CNBD1: variants seen among roughly 807,000 people sequenced by gnomAD.
CNBD1 encodes the protein cyclic nucleotide binding domain containing 1.
In CNBD1, 71 loss-of-function variants were observed where a neutral mutation model predicts 54.4. The observed-to-expected ratio is 1.30, with a 90% CI of 1.08 to 1.59. The LOEUF (loss-of-function observed/expected upper bound fraction) is 1.59. Ranked by LOEUF, CNBD1 falls within the 40% of genes most tolerant of loss-of-function variation. CNBD1 has a pLI of 0.00. For missense variants in CNBD1, 659 were observed against 518.0 expected, an observed-to-expected ratio of 1.27 and a Z score of -2.64; for synonymous variants, 182 against 170.7, an observed-to-expected ratio of 1.07 and a Z score of -0.51.
At chr8:87,334,173 G>A (rs921427423) in intron 8 of CNBD1, among the ~76,000 whole-genome samples, 1 of 152,036 alleles carries the variant, frequency 6.6e-6, no homozygotes, top group African/African-American at 2.4e-5. Context: ...TTGCATAGAG[G>A]TGTTTATACC....
At chr8:87,008,361 G>T (rs1322338275) in intron 4 of CNBD1, among the ~76,000 whole-genome samples, 1 of 152,088 alleles carries the variant, frequency 6.6e-6, no homozygotes, top group Non-Finnish European at 1.5e-5. Flanking sequence ...CTAAATATGG[G>T]AATCTGGAAG....
intron 2 of CNBD1, among the ~76,000 whole-genome samples, chr8:87,414,661 C>A (rs1807807793): frequency 6.6e-6 from 1 of 151,774 alleles, no homozygotes; most frequent in Non-Finnish European, 1.5e-5. Context: ...TGTACTATTA[C>A]CACAACTGTT....
At chr8:86,902,188 C>T (rs956537406) in intron 2 of CNBD1, among the ~76,000 whole-genome samples, 2 of 152,044 alleles carry the variant, frequency 1.3e-5, no homozygotes, top group Non-Finnish European at 2.9e-5. Context: ...TTTTTGGGTA[C>T]ACAGCTAGAC....
At chr8:87,332,244 A>G (rs1161579209) in intron 8 of CNBD1, among the ~76,000 whole-genome samples, 1 of 151,446 alleles carries the variant, frequency 6.6e-6, no homozygotes, top group Non-Finnish European at 1.5e-5. Context: ...GTTATTCTGG[A>G]GGCTGAGTCA....
intron 2 of CNBD1, among the ~76,000 whole-genome samples, chr8:87,424,652 G>T (rs1033325270): frequency 2.0e-5 from 3 of 151,340 alleles, no homozygotes; most frequent in Admixed American, 6.6e-5. Flanking sequence ...CCCTACAGAA[G>T]CTCTCTTCTG....
rs532231229 is a variant in CNBD1 at position 87,408,393 on chromosome 8, A to ATGTG, written c.214-20139_214-20136dup. 3.2e-3 allele frequency among the ~76,000 whole-genome samples: 480 copies of ATGTG among 150,936 alleles called. 7 individuals carry two copies. Among genetic ancestry groups the ATGTG allele is most frequent in the African/African-American group, 0.01 (429 of 41,236 alleles). ...TGTTGCTTTATTTTTAGATACATATATGTGTGTGTGTGTGTGTATAGACAG... is the reference window on the plus strand; with the variant it reads ...TGTTGCTTTATTTTTAGATACATATATGTGTGTGTGTGTGTGTGTGTATAGACAG... On this transcript the variant is annotated intron_variant, in intron 2 of 7. Transcript: ENST00000521593.
At chr8:87,321,909 C>T (rs1291923837) in intron 8 of CNBD1, among the ~76,000 whole-genome samples, 3 of 149,274 alleles carry the variant, frequency 2.0e-5, no homozygotes, top group African/African-American at 2.5e-5. Context: ...CCCACCACCT[C>T]GTCATCTAGC....
intron 10 of CNBD1, among the ~76,000 whole-genome samples, chr8:87,375,425 CCCA>C (rs1284007868): frequency 6.6e-6 from 1 of 151,692 alleles, no homozygotes; most frequent in Non-Finnish European, 1.5e-5. Context: ...TAGATAAATG[CCCA>C]CCAAGAGTTA....
At chr8:87,018,228 A>G (rs903816809) in intron 4 of CNBD1, among the ~76,000 whole-genome samples, 5 of 152,226 alleles carry the variant, frequency 3.3e-5, no homozygotes, top group African/African-American at 1.2e-4. Context: ...GGGCAACGAG[A>G]GCAAAACTGT....
At chr8:87,296,911 C>T (rs1283508449) in intron 8 of CNBD1, among the ~76,000 whole-genome samples, 1 of 151,932 alleles carries the variant, frequency 6.6e-6, no homozygotes, top group Non-Finnish European at 1.5e-5. Context: ...CGTGGTGGCT[C>T]ACGCCTGTAA....
chr8:86,933,083 G>A (rs1287001181), intron 3 of CNBD1, among the ~76,000 whole-genome samples: 1 of 152,152 alleles, frequency 6.6e-6, no homozygotes, highest in African/African-American at 2.4e-5. Context: ...GGAGGGAAGG[G>A]ATCTCCAGCA....
At chr8:87,380,414 C>T (rs1811050503) in intron 10 of CNBD1, among the ~76,000 whole-genome samples, 1 of 151,796 alleles carries the variant, frequency 6.6e-6, no homozygotes, top group East Asian at 1.9e-4. Flanking sequence ...GTTTTGATTA[C>T]TGTAGCTTTG....
chr8:87,340,468 CCT>C (rs1810043620), intron 8 of CNBD1, among the ~76,000 whole-genome samples: 1 of 152,138 alleles, frequency 6.6e-6, no homozygotes, highest in South Asian at 2.1e-4. Flanking sequence ...AGTTTTCAGC[CCT>C]TATGTCTTTA....
chr8:87,247,491 G>A (rs1419300807), intron 6 of CNBD1, among the ~76,000 whole-genome samples: 2 of 152,140 alleles, frequency 1.3e-5, no homozygotes, highest in African/African-American at 4.8e-5. Context: ...TACTTTATCT[G>A]ATGACTTGAA....
chr8:86,973,094 AC>A (rs1808262586), intron 4 of CNBD1, among the ~76,000 whole-genome samples: 6 of 152,022 alleles, frequency 3.9e-5, no homozygotes, highest in Admixed American at 3.9e-4. Flanking sequence ...TTTCCAAACA[AC>A]CCTAGAGTGC....
intron 4 of CNBD1, among the ~76,000 whole-genome samples, chr8:87,066,221 A>G (rs1184826215): frequency 6.6e-6 from 1 of 152,018 alleles, no homozygotes; most frequent in Non-Finnish European, 1.5e-5. Flanking sequence ...ATGTGAGACA[A>G]CTAGTGATTT....
chr8:87,222,479 T>C (rs558165080), intron 5 of CNBD1, among the ~76,000 whole-genome samples: 28 of 152,160 alleles, frequency 1.8e-4, no homozygotes, highest in Middle Eastern at 3.4e-3. Context: ...GGCCTGTTAA[T>C]TAGGTTGGAT....
At position 87,416,079 on chromosome 8, in the gene CNBD1, C is replaced by A. The variant is rs115004996; in HGVS notation, c.214-12467C>A. ...AATAAGTTGGAACACTTTCTCAATA[C>A]AACAATGTTCTCAGAATTATATAAC... On this transcript the variant is annotated intron_variant, in intron 2 of 7. Transcript: ENST00000521593. 3.2e-3 allele frequency among the ~76,000 whole-genome samples: 484 copies of A among 151,484 alleles called. 2 individuals carry two copies. Among genetic ancestry groups the A allele is most frequent in the African/African-American group, 0.011 (452 of 41,096 alleles).
intron 4 of CNBD1, among the ~76,000 whole-genome samples, chr8:87,129,012 G>A (rs556516239): frequency 8.0e-6 from 1 of 125,564 alleles, no homozygotes; most frequent in East Asian, 2.4e-4. Flanking sequence ...TGAGGTTGCA[G>A]TGAGCCGAGA....
Sources: allele counts gnomAD v4.1 joint callset (sites outside exome capture counted in the v4.1 genomes callset), GRCh38; gene constraint gnomAD v4.1.1; transcripts MANE v1.5; gene names NCBI Gene and HGNC (gene_info 2026-07-23, HGNC 2026-07-21).